Variants in STIM2 observed in about 807,000 individuals in gnomAD.
STIM2 encodes the protein stromal interaction molecule 2.
Under a neutral mutation model 85.8 loss-of-function variants are expected in STIM2, and 31 were observed. The observed-to-expected ratio is 0.36, with a 90% confidence interval of 0.27 to 0.49. The LOEUF is 0.49. STIM2 is among the 20% of genes least tolerant of loss of function. The pLI, the probability that STIM2 is intolerant of heterozygous loss-of-function variation, is 0.98. For missense variants in STIM2, 841 were observed against 927.6 expected (o/e 0.91, Z 1.21); for synonymous variants, 356 against 331.1 (o/e 1.08, Z -0.82).
intron 1 of STIM2, among the ~76,000 whole-genome samples, chr4:26,918,109 C>A (rs1455161208): frequency 6.6e-6 from 1 of 151,876 alleles, no homozygotes; most frequent in Non-Finnish European, 1.5e-5. Context: ...TTTCTGATTA[C>A]TTCCCTTCTA....
chr4:26,903,504 T>C (rs1724004440), intron 1 of STIM2, among the ~76,000 whole-genome samples: 1 of 152,184 alleles, frequency 6.6e-6, no homozygotes. Flanking sequence ...TATTTGCTTG[T>C]TTCTTAATGG....
chr4:26,867,468 A>T (rs1047746655), intron 1 of STIM2, among the ~76,000 whole-genome samples: 13 of 152,242 alleles, frequency 8.5e-5, no homozygotes, highest in African/African-American at 3.1e-4. Flanking sequence ...TCCAAAGACA[A>T]TATATTTGCC....
At chr4:26,935,736 C>T (rs1253159935) in intron 2 of STIM2, among the ~76,000 whole-genome samples, 1 of 152,098 alleles carries the variant, frequency 6.6e-6, no homozygotes, top group African/African-American at 2.4e-5. Flanking sequence ...TTTATCTTGA[C>T]CTTTTATGAG....
chr4:26,881,654 G>A (rs1047483494), intron 1 of STIM2: 1 of 152,122 alleles, frequency 6.6e-6, no homozygotes, highest in East Asian at 1.9e-4. Flanking sequence ...CCAGTATAAA[G>A]TATTTTGTTA....
chr4:26,878,286 C>T (rs897387846), intron 1 of STIM2, among the ~76,000 whole-genome samples: 5 of 152,118 alleles, frequency 3.3e-5, no homozygotes, highest in Non-Finnish European at 7.4e-5. Context: ...GTCGTCCCTT[C>T]TCCCCCTAAT....
chr4:26,978,995 C>G (rs1180223303), intron 3 of STIM2, among the ~76,000 whole-genome samples: 2 of 152,186 alleles, frequency 1.3e-5, no homozygotes, highest in Admixed American at 1.3e-4. Context: ...TGAAAGGCCT[C>G]TTTTGGTCCC....
chr4:26,948,485 A>C lies in STIM2; in HGVS notation c.283-9127A>C, dbSNP rs1275145485. Among the ~76,000 whole-genome samples, 3 of 152,216 alleles carry C rather than the reference A, an allele frequency of 2.0e-5. No homozygotes were observed. In the East Asian group the frequency reaches 5.8e-4, roughly 29 times the overall value. On this transcript the variant is annotated intron_variant, in intron 2 of 11. Coordinates refer to ENST00000467087, the MANE Select transcript of STIM2 (RefSeq NM_020860.4). ...CAAAATGATGGCCTTGTATTTGATC[A>C]GGCACAGTGGCGTACGCCTGAAATC... is the stretch of plus-strand genomic sequence containing the variant.
intron 1 of STIM2, among the ~76,000 whole-genome samples, chr4:26,915,101 A>T (rs1036835883): frequency 1.3e-5 from 2 of 152,232 alleles, no homozygotes; most frequent in South Asian, 4.1e-4. Context: ...CAAGTTACTC[A>T]TGAGTCTTAC....
chr4:26,907,295 A>G (rs915324161), intron 1 of STIM2, among the ~76,000 whole-genome samples: 9 of 152,228 alleles, frequency 5.9e-5, no homozygotes, highest in Non-Finnish European at 8.8e-5. Context: ...AGTTAGAACT[A>G]TATGGTATAA....
intron 1 of STIM2, among the ~76,000 whole-genome samples, chr4:26,874,810 C>T (rs1455886705): frequency 2.0e-5 from 3 of 152,180 alleles, no homozygotes; most frequent in African/African-American, 7.2e-5. Flanking sequence ...GTTTGAATGT[C>T]TGCTGTGTGC....
intron 1 of STIM2, among the ~76,000 whole-genome samples, chr4:26,879,493 T>C (rs769007678): frequency 2.7e-4 from 41 of 152,306 alleles, no homozygotes; most frequent in Non-Finnish European, 5.0e-4. Context: ...GGTGGTGAGA[T>C]ATTATTACTA....
intron 10 of STIM2, among the ~76,000 whole-genome samples, chr4:27,012,963 T>G (rs556432932): frequency 2.6e-5 from 4 of 152,068 alleles, no homozygotes; most frequent in Non-Finnish European, 5.9e-5. Flanking sequence ...AAATAAATCC[T>G]TTAAGTGTCA....
chr4:26,918,409 G>A (rs570694919), intron 1 of STIM2, among the ~76,000 whole-genome samples: 1 of 152,024 alleles, frequency 6.6e-6, no homozygotes, highest in Admixed American at 6.6e-5. Context: ...TAAGATGCAA[G>A]GACAAGTGAT....
At chr4:26,917,114 A>G (rs1577436356) in intron 1 of STIM2, among the ~76,000 whole-genome samples, 1 of 152,310 alleles carries the variant, frequency 6.6e-6, no homozygotes, top group South Asian at 2.1e-4. Context: ...TCATAATCTT[A>G]GTTGTGTGGA....
chr4:26,872,109 G>A (rs1434153726), intron 1 of STIM2, among the ~76,000 whole-genome samples: 2 of 152,166 alleles, frequency 1.3e-5, no homozygotes, highest in Non-Finnish European at 2.9e-5. Flanking sequence ...TACAGAGGTA[G>A]GATAGTTGTA....
intron 10 of STIM2, among the ~76,000 whole-genome samples, chr4:27,011,629 TTTAC>T (rs893277358): frequency 7.2e-5 from 11 of 152,172 alleles, no homozygotes; most frequent in Admixed American, 1.3e-4. Context: ...AATAACCTGA[TTTAC>T]TTGTTTTGCA....
At chr4:26,960,547 T>TGAAA (rs151208594) in intron 3 of STIM2, among the ~76,000 whole-genome samples, 2,056 of 152,330 alleles carry the variant, frequency 0.013, 32 homozygotes, top group Non-Finnish European at 0.017. Flanking sequence ...GTTGAATGAA[T>TGAAA]GAAAGAGTAA....
intron 1 of STIM2, among the ~76,000 whole-genome samples, chr4:26,888,921 C>T (rs1474535715): frequency 6.6e-6 from 1 of 152,164 alleles, no homozygotes; most frequent in Admixed American, 6.5e-5. Context: ...TACACTAACC[C>T]TGGGTCTTCT....
intron 1 of STIM2, among the ~76,000 whole-genome samples, chr4:26,896,537 A>T (rs1372069148): frequency 1.3e-5 from 2 of 152,122 alleles, no homozygotes; most frequent in Non-Finnish European, 2.9e-5. Flanking sequence ...TCTTGCCTGA[A>T]TTTTTTTAAA....
Sources: gnomAD v4.1 joint callset for allele counts (sites outside exome capture counted in the v4.1 genomes callset) on GRCh38, gnomAD v4.1.1 for gene constraint, MANE v1.5 for transcripts, NCBI Gene and HGNC (gene_info 2026-07-23, HGNC 2026-07-21) for gene names.